HPD: variants seen among roughly 807,000 people sequenced by gnomAD.
HPD encodes 4-hydroxyphenylpyruvate dioxygenase.
A neutral mutation model predicts 56.9 loss-of-function variants in HPD; 35 were observed. That is an observed-to-expected ratio of 0.62 (90% CI 0.47 to 0.82). The LOEUF (loss-of-function observed/expected upper bound fraction) is 0.82. Ranked by LOEUF, HPD falls within the 40% of genes least tolerant of loss-of-function variation. HPD has a pLI of 0.00. For synonymous variants in HPD, 186 were observed against 200.2 expected (o/e 0.93, Z 0.60); for missense variants, 442 against 506.8 (o/e 0.87, Z 1.23).
Position 121,849,996 on chromosome 12 carries a change from G to A in HPD, c.415-206C>T, listed in dbSNP as rs577556882. 2.7e-4 allele frequency: 159 copies of A among 587,756 alleles called. 2 individuals carry two copies. Among genetic ancestry groups the A allele is most frequent in the South Asian group, 2.5e-3 (141 of 56,664 alleles). 36.4% of individuals were successfully genotyped at this position (587,756 alleles called of 1,614,324 possible). A position where few individuals can be genotyped will look rare whatever the true frequency, so the allele number is the denominator to read the frequency against. ...GAGTTTCCGTGAGGGCGGGGACACT[G>A]TTTTGCTCATGATGGTGTACCCAGC... On this transcript the variant is annotated intron_variant, in intron 7 of 13. Transcript: ENST00000289004.
chr12:121,862,516 C>T (rs1168268853), upstream of HPD, among the ~76,000 whole-genome samples: 4 of 150,472 alleles, frequency 2.7e-5, no homozygotes, highest in South Asian at 2.1e-4. Context: ...AGGCATGTCT[C>T]GAACTCCTGA....
intron 7 of HPD, among the ~76,000 whole-genome samples, chr12:121,851,433 G>T (rs1270951216): frequency 1.3e-5 from 2 of 151,952 alleles, no homozygotes; most frequent in South Asian, 4.1e-4. Context: ...TGCAACCTCT[G>T]TCTCCCGGGT....
At position 121,848,992 on chromosome 12, in the gene HPD, G is replaced by A. The variant is rs1272021466; in HGVS notation, c.596+7C>T. The A allele has an allele frequency of 6.2e-7, 1 of 1,609,906 alleles. No individual in the cohort carries two copies. Among genetic ancestry groups the A allele is most frequent in the Non-Finnish European group, 8.5e-7 (1 of 1,176,538 alleles). On this transcript the variant is annotated splice_region_variant and intron_variant, in intron 9 of 13. Transcript: ENST00000289004. ...CTTCACGCAGAGGGAGAGGGCCAAGGTCTCACCATTCGGAGGCGGACACCA... is the reference window on the plus strand; with the variant it reads ...CTTCACGCAGAGGGAGAGGGCCAAGATCTCACCATTCGGAGGCGGACACCA...
chr12:121,866,856 T>C (rs1281337004), upstream of HPD, among the ~76,000 whole-genome samples: 2 of 152,072 alleles, frequency 1.3e-5, no homozygotes, highest in African/African-American at 4.8e-5. Flanking sequence ...TCAATCAAGA[T>C]ACAGGACAAT....
At chr12:121,883,236 G>GTGTGTGT in the HPD span, among the ~76,000 whole-genome samples, 2 of 136,950 alleles carry the variant, frequency 1.5e-5, no homozygotes, top group Non-Finnish European at 1.6e-5. Context: ...GTGTGTGTGT[G>GTGTGTGT]GTGGGGTACA....
chr12:121,858,663 A>G (rs200526986), intron 2 of HPD, 24 bp downstream of exon 2: 11 of 1,612,556 alleles, frequency 6.8e-6, no homozygotes, highest in Non-Finnish European at 8.5e-7. Context: ...AGGCCCCTAC[A>G]TTTCCCACAT....
At chr12:121,857,661 C>T (rs894801357) in intron 3 of HPD, 96 bp downstream of exon 3, 7 of 1,112,108 alleles carry the variant, frequency 6.3e-6, no homozygotes, top group South Asian at 6.3e-5. Context: ...TCCTCCCTCC[C>T]AAGGGCCAAT....
upstream of HPD, among the ~76,000 whole-genome samples, chr12:121,863,185 T>A (rs1289632019): frequency 1.3e-5 from 2 of 151,872 alleles, no homozygotes; most frequent in Non-Finnish European, 2.9e-5. Flanking sequence ...GGCTTCGCCA[T>A]GTTGGCGAGG....
At chr12:121,869,157 C>T in the HPD span, among the ~76,000 whole-genome samples, 69,346 of 151,402 alleles carry the variant, frequency 0.46, 16,390 homozygotes, top group African/African-American at 0.55. Context: ...CGAGACCAGC[C>T]TGGCCAACAT....
chr12:121,844,984 T>C (rs909816415), intron 11 of HPD, among the ~76,000 whole-genome samples: 2 of 151,394 alleles, frequency 1.3e-5, no homozygotes, highest in Non-Finnish European at 2.9e-5. Flanking sequence ...CTTGGGAGGC[T>C]GAGGCAGGAG....
At chr12:121,869,386 G>A in the HPD span, among the ~76,000 whole-genome samples, 1 of 149,634 alleles carries the variant, frequency 6.7e-6, no homozygotes, top group African/African-American at 2.5e-5. Context: ...TGGTGGATAT[G>A]GGGTCTCACT....
chr12:121,851,605 A>G (rs1283930396), intron 7 of HPD, among the ~76,000 whole-genome samples: 1 of 152,104 alleles, frequency 6.6e-6, no homozygotes, highest in African/African-American at 2.4e-5. Context: ...CGGCCTCACA[A>G]AGTGCTGGGA....
chr12:121,848,785 T>A (rs1415154348), intron 9 of HPD, among the ~76,000 whole-genome samples: 1 of 152,088 alleles, frequency 6.6e-6, no homozygotes, highest in Non-Finnish European at 1.5e-5. Context: ...TTTATATTTT[T>A]AGTAGAGACG....
At chr12:121,870,418 G>C in the HPD span, among the ~76,000 whole-genome samples, 1 of 150,920 alleles carries the variant, frequency 6.6e-6, no homozygotes, top group Non-Finnish European at 1.5e-5. Flanking sequence ...TGAGGCGGGA[G>C]AACCACTTGA....
At position 121,857,755 on chromosome 12, in the gene HPD, A is replaced by T. The variant is rs113367095; in HGVS notation, c.93+2T>A. 6.2e-7 allele frequency: 1 copy of T among 1,613,434 alleles called. No individual in the cohort carries two copies. Among genetic ancestry groups the T allele is most frequent in the Non-Finnish European group, 8.5e-7 (1 of 1,179,426 alleles). On this transcript the variant is annotated splice_donor_variant, in intron 3 of 13. Coordinates refer to ENST00000289004, the MANE Select transcript of HPD (RefSeq NM_002150.3). LOFTEE classifies it high-confidence loss of function. ...ACTCCAGCACCTTGCCCCGGCTTCT[A>T]CCTGCTTGGCGTTGCCAACCCAGAA...
At chr12:121,862,206 T>G (rs1253576439), upstream of HPD, among the ~76,000 whole-genome samples, 1 of 152,128 alleles carries the variant, frequency 6.6e-6, no homozygotes, top group Non-Finnish European at 1.5e-5. Context: ...TGGATGCTGC[T>G]GGACAGTGTG....
chr12:121,871,808 T>A, the HPD span, among the ~76,000 whole-genome samples: 1 of 152,074 alleles, frequency 6.6e-6, no homozygotes, highest in Admixed American at 6.6e-5. Flanking sequence ...ATCCTCTGAG[T>A]CTTAGTGTCC....
the HPD span, among the ~76,000 whole-genome samples, chr12:121,886,266 G>A: frequency 1.3e-5 from 2 of 151,790 alleles, no homozygotes; most frequent in South Asian, 2.1e-4. Context: ...GTGCCACCAT[G>A]CCCGGCTAAA....
At chr12:121,879,065 G>A in the HPD span, among the ~76,000 whole-genome samples, 1 of 151,882 alleles carries the variant, frequency 6.6e-6, no homozygotes, top group East Asian at 1.9e-4. Flanking sequence ...CGGGTGTATC[G>A]CCTGAGGTCA....
Sources: gnomAD v4.1 joint callset for allele counts (sites outside exome capture counted in the v4.1 genomes callset) on GRCh38, gnomAD v4.1.1 for gene constraint, MANE v1.5 for transcripts, NCBI Gene and HGNC (gene_info 2026-07-23, HGNC 2026-07-21) for gene names.